GNAO1: variants seen among roughly 807,000 people sequenced by gnomAD.
GNAO1 encodes G protein subunit alpha o1.
For missense variants in GNAO1, 166 were observed against 478.7 expected (o/e 0.35, Z 6.10); for synonymous variants, 164 against 180.7 (o/e 0.91, Z 0.74).
At chr16:56,208,152 A>G (rs1260709831) in intron 2 of GNAO1, among the ~76,000 whole-genome samples, 1 of 152,160 alleles carries the variant, frequency 6.6e-6, no homozygotes, top group African/African-American at 2.4e-5. Flanking sequence ...ATAATATCCC[A>G]GTTGTATGTA....
At chr16:56,255,042 C>T (rs1567456582) in intron 2 of GNAO1, among the ~76,000 whole-genome samples, 1 of 152,180 alleles carries the variant, frequency 6.6e-6, no homozygotes, top group East Asian at 1.9e-4. Flanking sequence ...CCTTGGAACA[C>T]TTTTCCTCCC....
chr16:56,249,249 G>A (rs1273006735), intron 2 of GNAO1, among the ~76,000 whole-genome samples: 1 of 152,158 alleles, frequency 6.6e-6, no homozygotes, highest in African/African-American at 2.4e-5. Flanking sequence ...GGAATGGGGG[G>A]GAACAAGTTT....
intron 2 of GNAO1, among the ~76,000 whole-genome samples, chr16:56,252,868 C>A (rs2036812502): frequency 1.3e-5 from 2 of 152,152 alleles, no homozygotes; most frequent in East Asian, 1.9e-4. Flanking sequence ...ATTGGCCTGT[C>A]CCCCCCACCA....
chr16:56,245,809 A>T (rs80108729), intron 2 of GNAO1, among the ~76,000 whole-genome samples: 1 of 152,234 alleles, frequency 6.6e-6, no homozygotes. Context: ...AAACATAGCA[A>T]TTGAGACACA....
chr16:56,351,441 A>G lies in GNAO1; in HGVS notation c.781A>G (p.Ile261Val). The G allele has an allele frequency of 1.9e-6, 3 of 1,611,014 alleles. No individual in the cohort carries two copies. Among genetic ancestry groups the G allele is most frequent in the Non-Finnish European group, 2.5e-6 (3 of 1,177,158 alleles). ...FDSICNNKFF[I>V]DTSIILFLNK... is the part of the protein sequence containing the mutation. ...CTCCATCTGTAACAACAAGTTCTTC[A>G]TCGATACCTCCATCATTCTCTTCCT... Residue 261 changes from isoleucine (I) to valine (V), a missense_variant, in exon 7 of 9, where the codon ATC (isoleucine) becomes GTC (valine). Physicochemically the swap from Ile to Val is conservative, Grantham distance 29. Coordinates refer to ENST00000262493, the MANE Select transcript of GNAO1 (RefSeq NM_020988.3). The surrounding 1 kb of genome is among the most constrained non-coding windows in gnomAD (Gnocchi z 6.1).
chr16:56,288,635 T>C (rs1176899610), intron 3 of GNAO1, among the ~76,000 whole-genome samples: 2 of 152,098 alleles, frequency 1.3e-5, no homozygotes, highest in Admixed American at 6.5e-5. Context: ...ATAGCAAGAG[T>C]GGCCAGCGTG....
intron 6 of GNAO1, among the ~76,000 whole-genome samples, chr16:56,350,463 T>A (rs2143698084): frequency 6.6e-6 from 1 of 152,306 alleles, no homozygotes. Context: ...CCCAAGTGAA[T>A]GAGCTCAGCG....
chr16:56,261,231 G>A (rs535525361), intron 2 of GNAO1, among the ~76,000 whole-genome samples: 1 of 152,200 alleles, frequency 6.6e-6, no homozygotes, highest in Admixed American at 6.5e-5. Flanking sequence ...CCCCCATTTG[G>A]GGTGATCTGT....
intron 2 of GNAO1, among the ~76,000 whole-genome samples, chr16:56,270,034 A>T (rs573778069): frequency 1.2e-4 from 18 of 152,286 alleles, no homozygotes; most frequent in African/African-American, 4.3e-4. Flanking sequence ...GGCCTCCTGC[A>T]GGGTCCCTAA....
chr16:56,336,925 C>T (rs2037745921), intron 6 of GNAO1, 65 bp downstream of exon 6: 2 of 1,493,658 alleles, frequency 1.3e-6, no homozygotes, highest in African/African-American at 1.4e-5. Flanking sequence ...ATAGGCCAGC[C>T]CTCTGAGCAC....
At chr16:56,287,969 G>A (rs1270496652) in intron 3 of GNAO1, among the ~76,000 whole-genome samples, 1 of 152,202 alleles carries the variant, frequency 6.6e-6, no homozygotes, top group Non-Finnish European at 1.5e-5. Context: ...CAGTGTCGAT[G>A]GTGCACTCAG....
Position 56,346,241 on chromosome 16 carries a change from T to C in GNAO1, c.724-5143T>C, listed in dbSNP as rs546408976. ...CCATGTCGTAACCAGCGGCTCCATC[T>C]TGTGGGGTGGTGACTGAGGGTGACA... is the stretch of plus-strand genomic sequence containing the variant. On this transcript the variant is annotated intron_variant, in intron 6 of 8. Transcript: ENST00000262493. The C allele has an allele frequency of 1.1e-3, 1,124 of 985,430 alleles. 4 individuals carry two copies. The highest frequency in any genetic ancestry group is 3.9e-3 in the South Asian group (84 of 21,286). The allele number at this position is 985,430 out of a possible 1,614,324, so 61.0% of individuals were successfully genotyped here.
At chr16:56,336,186 G>A (rs2037738276) in intron 5 of GNAO1, among the ~76,000 whole-genome samples, 3 of 152,228 alleles carry the variant, frequency 2.0e-5, no homozygotes, top group Non-Finnish European at 4.4e-5. Flanking sequence ...GAAAGGGGCC[G>A]TACTGGGCAG....
At chr16:56,248,007 T>C (rs932165678) in intron 2 of GNAO1, among the ~76,000 whole-genome samples, 2 of 152,204 alleles carry the variant, frequency 1.3e-5, no homozygotes, top group African/African-American at 4.8e-5. Flanking sequence ...GATGTCTCTC[T>C]GTAGGTCTCT....
At chr16:56,192,660 A>T (rs746466726) in intron 2 of GNAO1, 44 bp downstream of exon 2, 7 of 1,270,302 alleles carry the variant, frequency 5.5e-6, no homozygotes, top group Non-Finnish European at 8.1e-6. Flanking sequence ...ATTAAGAATA[A>T]TTTTTAAATC....
intron 6 of GNAO1, among the ~76,000 whole-genome samples, chr16:56,338,410 CA>C (rs1472999750): frequency 6.6e-6 from 1 of 152,224 alleles, no homozygotes; most frequent in Admixed American, 6.5e-5. Flanking sequence ...ACTGACCACC[CA>C]AAGCCCAGGT....
At position 56,354,100 on chromosome 16, in the gene GNAO1, C is replaced by G. The variant is rs1645633171; in HGVS notation, c.878-766C>G. The stretch of plus-strand genomic sequence containing the variant: ...ACCAATGAGGAAGGAGTGCAGGTCC[C>G]TCTGAGTGCCCACCACCCTCTTGGG... On this transcript the variant is annotated intron_variant, in intron 7 of 8. Coordinates refer to ENST00000262493, the MANE Select transcript of GNAO1 (RefSeq NM_020988.3). This position sits in a 1 kb window ranked among gnomAD's most constrained non-coding sequence, Gnocchi z 4.3. Among the ~76,000 whole-genome samples the G allele has an allele frequency of 6.6e-6, 1 of 152,356 alleles. No homozygotes were observed.
chr16:56,234,722 C>A lies in GNAO1; in HGVS notation c.162-41209C>A, dbSNP rs558379869. Among the ~76,000 whole-genome samples the A allele has an allele frequency of 3.2e-4, 49 of 152,300 alleles. 1 individual carries two copies. The highest frequency in any genetic ancestry group is 1.3e-3 in the Admixed American group (20 of 15,304). On this transcript the variant is annotated intron_variant, in intron 2 of 8. Transcript: ENST00000262493. ...GTTCAGAATGGGACCAGCCCCTTCCCCTCTGGTTCCCCCCCAACTCCTATT... is the reference window on the plus strand; with the variant it reads ...GTTCAGAATGGGACCAGCCCCTTCCACTCTGGTTCCCCCCCAACTCCTATT...
intron 6 of GNAO1, chr16:56,346,054 T>C (rs2037864871): frequency 3.0e-6 from 3 of 985,554 alleles, no homozygotes; most frequent in Non-Finnish European, 3.6e-6. Flanking sequence ...TGCTCAGCCC[T>C]TCCTGCCCTC....
Sources: gnomAD v4.1 joint callset for allele counts (sites outside exome capture counted in the v4.1 genomes callset) on GRCh38, gnomAD v4.1.1 for gene constraint, Gnocchi (gnomAD v3.1) non-coding constraint, MANE v1.5 for transcripts, NCBI Gene and HGNC (gene_info 2026-07-23, HGNC 2026-07-21) for gene names.